Variants in CDH4 observed in about 807,000 individuals in gnomAD.
CDH4 encodes the protein cadherin 4.
Under a neutral mutation model 86.0 loss-of-function variants are expected in CDH4, and 33 were observed. The ratio of observed to expected loss-of-function variants is 0.38; its 90% CI spans 0.29 to 0.51. The LOEUF is 0.51. Ranked by LOEUF, CDH4 falls within the 20% of genes least tolerant of loss-of-function variation. The pLI, the probability that CDH4 is intolerant of heterozygous loss-of-function variation, is 0.86. For missense variants in CDH4, 1,114 were observed against 1,307.4 expected (o/e 0.85, Z 2.28); for synonymous variants, 555 against 549.4 (o/e 1.01, Z -0.14).
In CDH4 at chr20:61,808,898, G is replaced by A. The variant is rs73917520; in HGVS notation, c.576+35716G>A. Among the ~76,000 whole-genome samples, 1,120 of 152,186 alleles carry A rather than the reference G, an allele frequency of 7.4e-3. 10 individuals are homozygous for A. Among genetic ancestry groups the A allele is most frequent in the African/African-American group, 0.026 (1,064 of 41,506 alleles). ...ACGTTGATTTTCGAGGACATCTTAT[G>A]GAGTCATTGTTTAACAACAACAGCA... is the stretch of plus-strand genomic sequence containing the variant. On this transcript the variant is annotated intron_variant, in intron 4 of 15. Coordinates refer to ENST00000614565, the MANE Select transcript of CDH4 (RefSeq NM_001794.5).
intron 2 of CDH4, among the ~76,000 whole-genome samples, chr20:61,741,297 C>T (rs371186779): frequency 1.3e-5 from 2 of 152,206 alleles, no homozygotes; most frequent in Non-Finnish European, 1.5e-5. Flanking sequence ...AAGCCACCCA[C>T]GGAGCTGCCT....
intron 2 of CDH4, among the ~76,000 whole-genome samples, chr20:61,408,611 T>G (rs763687971): frequency 6.6e-6 from 1 of 152,162 alleles, no homozygotes; most frequent in Non-Finnish European, 1.5e-5. Context: ...AACCAGGCCC[T>G]GTGTTAGTGA....
At chr20:61,253,907 G>T (rs1015242353) in intron 1 of CDH4, among the ~76,000 whole-genome samples, 1 of 152,198 alleles carries the variant, frequency 6.6e-6, no homozygotes, top group Non-Finnish European at 1.5e-5. Flanking sequence ...TGCGCTCGCC[G>T]GGGAGCCAAG....
At chr20:61,387,421 G>GAAAC (rs1568824968) in intron 2 of CDH4, among the ~76,000 whole-genome samples, 1 of 148,170 alleles carries the variant, frequency 6.7e-6, no homozygotes, top group African/African-American at 2.5e-5. Flanking sequence ...AACACACAGA[G>GAAAC]ACACACAGCC....
chr20:61,631,036 A>G (rs1300174331), intron 2 of CDH4, among the ~76,000 whole-genome samples: 2 of 152,200 alleles, frequency 1.3e-5, no homozygotes, highest in African/African-American at 4.8e-5. Flanking sequence ...TTGACTGAGG[A>G]ATGAGACAGG....
At chr20:61,620,531 TACATGATA>T (rs1219140970) in intron 2 of CDH4, among the ~76,000 whole-genome samples, 3 of 150,754 alleles carry the variant, frequency 2.0e-5, no homozygotes, top group African/African-American at 7.5e-5. Context: ...CATACATACA[TACATGATA>T]GATAGGCAGA....
intron 6 of CDH4, among the ~76,000 whole-genome samples, chr20:61,864,683 G>A (rs961851244): frequency 4.6e-5 from 7 of 152,192 alleles, no homozygotes; most frequent in South Asian, 2.1e-4. Context: ...CAGCGCGGAC[G>A]GCGCCCATGA....
intron 2 of CDH4, among the ~76,000 whole-genome samples, chr20:61,451,122 GCC>G (rs11313145): frequency 4.0e-5 from 4 of 100,636 alleles, no homozygotes; most frequent in African/African-American, 1.4e-4. Flanking sequence ...TCCCTCTCAC[GCC>G]CCCCCCCTTC....
intron 2 of CDH4, among the ~76,000 whole-genome samples, chr20:61,407,388 T>C (rs1336214081): frequency 6.6e-6 from 1 of 152,208 alleles, no homozygotes; most frequent in African/African-American, 2.4e-5. Context: ...CCTTCACCTG[T>C]TGTCACCGAA....
At chr20:61,390,822 G>A (rs965672168) in intron 2 of CDH4, among the ~76,000 whole-genome samples, 2 of 151,874 alleles carry the variant, frequency 1.3e-5, no homozygotes, top group African/African-American at 4.8e-5. Flanking sequence ...CGGTGTCTGG[G>A]AGACCCCGAT....
intron 2 of CDH4, among the ~76,000 whole-genome samples, chr20:61,353,681 TC>T (rs1568810389): frequency 3.8e-5 from 1 of 25,986 alleles, no homozygotes; most frequent in Non-Finnish European, 6.9e-5. Context: ...CCCCTCCTCC[TC>T]CCCCTCCTCC....
At chr20:61,767,442 C>T (rs1416466272) in intron 3 of CDH4, among the ~76,000 whole-genome samples, 1 of 152,200 alleles carries the variant, frequency 6.6e-6, no homozygotes, top group Admixed American at 6.5e-5. Flanking sequence ...GTGTTCCCTG[C>T]CGTGTGGAGT....
chr20:61,875,956 A>C (rs1984004673), intron 7 of CDH4, among the ~76,000 whole-genome samples: 1 of 142,004 alleles, frequency 7.0e-6, no homozygotes, highest in Non-Finnish European at 1.6e-5. Context: ...ACACACACAC[A>C]CCTGTGAGCA....
chr20:61,320,957 G>C (rs936774148), intron 2 of CDH4, among the ~76,000 whole-genome samples: 2 of 152,204 alleles, frequency 1.3e-5, no homozygotes, highest in Admixed American at 6.5e-5. Context: ...TCCTGCCCCT[G>C]CTGTGGGGAA....
At chr20:61,298,173 G>A (rs113857360) in intron 2 of CDH4, among the ~76,000 whole-genome samples, 3 of 152,202 alleles carry the variant, frequency 2.0e-5, no homozygotes, top group Non-Finnish European at 2.9e-5. Context: ...GCAGGGAGCC[G>A]GGTTTCCGGC....
intron 2 of CDH4, among the ~76,000 whole-genome samples, chr20:61,276,921 A>G (rs1338033144): frequency 1.3e-5 from 2 of 152,196 alleles, no homozygotes; most frequent in African/African-American, 4.8e-5. Flanking sequence ...AGGGGATCCT[A>G]GAGACTCTCA....
rs190157844 is a variant in CDH4 at position 61,404,379 on chromosome 20, C to T, written c.169+149442C>T. Among the ~76,000 whole-genome samples the T allele has an allele frequency of 5.3e-5, 8 of 152,262 alleles. 1 individual carries two copies. The South Asian group carries it at 1.2e-3, about 24-fold the overall frequency. On this transcript the variant is annotated intron_variant, in intron 2 of 15. Coordinates refer to ENST00000614565, the MANE Select transcript of CDH4 (RefSeq NM_001794.5). ...TTTGTTTAATTTTCACACCTTTCAC[C>T]CTCCTCCACAATGGTAGAGTGCTTT...
At chr20:61,916,982 G>A (rs1242655402) in intron 9 of CDH4, among the ~76,000 whole-genome samples, 3 of 152,230 alleles carry the variant, frequency 2.0e-5, no homozygotes, top group Admixed American at 6.5e-5. Context: ...GGGAAGGAGA[G>A]CACTCCTGGG....
rs2086524802 is a variant in CDH4 at position 61,592,405 on chromosome 20, TAGCC to T, written c.170-151156_170-151153del. 2.0e-5 allele frequency among the ~76,000 whole-genome samples: 3 copies of T among 152,142 alleles called. No homozygotes were observed. The South Asian group carries it at 6.2e-4, about 32-fold the overall frequency. ...GGGGCGCCCGTCATCCATGCAAAAG[TAGCC>T]ACCGTGAAAATGGCCAATGGTATGG... On this transcript the variant is annotated intron_variant, in intron 2 of 15. Coordinates refer to ENST00000614565, the MANE Select transcript of CDH4 (RefSeq NM_001794.5).
Sources: gnomAD v4.1 joint callset for allele counts (sites outside exome capture counted in the v4.1 genomes callset) on GRCh38, gnomAD v4.1.1 for gene constraint, MANE v1.5 for transcripts, NCBI Gene and HGNC (gene_info 2026-07-23, HGNC 2026-07-21) for gene names.